Variants in L3MBTL4 observed in about 807,000 individuals in gnomAD.
L3MBTL4 encodes the protein L3MBTL histone methyl-lysine binding protein 4.
Under a neutral mutation model 84.5 loss-of-function variants are expected in L3MBTL4, and 70 were observed. The observed-to-expected ratio is 0.83, with a 90% CI of 0.68 to 1.01. The LOEUF is 1.01. Ranked by LOEUF, L3MBTL4 falls within the 50% of genes least tolerant of loss-of-function variation. The pLI is 0.00. For missense variants in L3MBTL4, 715 were observed against 754.8 expected, an observed-to-expected ratio of 0.95 and a Z score of 0.62; for synonymous variants, 274 against 259.8, an observed-to-expected ratio of 1.05 and a Z score of -0.52.
At chr18:6,037,863 G>A (rs749303268) in intron 16 of L3MBTL4, among the ~76,000 whole-genome samples, 11 of 152,178 alleles carry the variant, frequency 7.2e-5, no homozygotes, top group Non-Finnish European at 1.0e-4. Context: ...ATATTTAGAT[G>A]TTTGGCTAAT....
At chr18:6,132,610 C>T (rs2059907787) in intron 14 of L3MBTL4, among the ~76,000 whole-genome samples, 2 of 152,336 alleles carry the variant, frequency 1.3e-5, no homozygotes, top group South Asian at 4.1e-4. Context: ...TTAAACCTTT[C>T]TTTTTTATAT....
chr18:6,260,014 C>G (rs1302796046), intron 5 of L3MBTL4: 1 of 152,130 alleles, frequency 6.6e-6, no homozygotes, highest in Non-Finnish European at 1.5e-5. Context: ...TATGGCTAGC[C>G]AGCTATCCCA....
At chr18:6,298,271 T>C (rs929599035) in intron 4 of L3MBTL4, among the ~76,000 whole-genome samples, 16 of 152,222 alleles carry the variant, frequency 1.1e-4, no homozygotes, top group African/African-American at 3.6e-4. Context: ...TTATTTGCAT[T>C]TTAATGAGAC....
chr18:6,125,028 T>C (rs1452655855), intron 14 of L3MBTL4, among the ~76,000 whole-genome samples: 2 of 152,196 alleles, frequency 1.3e-5, no homozygotes, highest in Non-Finnish European at 2.9e-5. Context: ...TATTCTCTAA[T>C]GACTTTGATA....
intron 12 of L3MBTL4, among the ~76,000 whole-genome samples, chr18:6,190,376 T>C (rs777218270): frequency 3.3e-5 from 5 of 152,192 alleles, no homozygotes; most frequent in Non-Finnish European, 7.3e-5. Context: ...TAGATACATA[T>C]GTAAAAATTC....
At chr18:6,206,126 C>T (rs954168038) in intron 12 of L3MBTL4, among the ~76,000 whole-genome samples, 17 of 152,216 alleles carry the variant, frequency 1.1e-4, no homozygotes, top group African/African-American at 7.2e-5. Context: ...GTATGCAGAA[C>T]GAAGAATCTG....
At chr18:6,318,494 T>TAAAAAAAAAAAAAAATAA in intron 1 of L3MBTL4, among the ~76,000 whole-genome samples, 1 of 14,202 alleles carries the variant, frequency 7.0e-5, no homozygotes, top group Non-Finnish European at 1.3e-4. Context: ...ACAACAATAG[T>TAAAAAAAAAAAAAAATAA]AAAAAAAAAA....
At chr18:6,294,590 A>C (rs2050006800) in intron 4 of L3MBTL4, among the ~76,000 whole-genome samples, 1 of 152,196 alleles carries the variant, frequency 6.6e-6, no homozygotes, top group Non-Finnish European at 1.5e-5. Flanking sequence ...TCAGCAGGAG[A>C]CGGTGTCTGG....
chr18:6,293,691 C>T (rs559870183), intron 4 of L3MBTL4, among the ~76,000 whole-genome samples: 16 of 152,266 alleles, frequency 1.1e-4, no homozygotes, highest in African/African-American at 3.6e-4. Flanking sequence ...ATGGGACATC[C>T]CAAAATCATG....
At chr18:5,965,385 T>C (rs2052298384) in intron 17 of L3MBTL4, among the ~76,000 whole-genome samples, 1 of 152,190 alleles carries the variant, frequency 6.6e-6, no homozygotes, top group Admixed American at 6.5e-5. Context: ...CACTTAACCT[T>C]CTGCTGCAGA....
chr18:6,096,798 C>T (rs1010913077), intron 14 of L3MBTL4, among the ~76,000 whole-genome samples: 7 of 152,172 alleles, frequency 4.6e-5, no homozygotes, highest in Non-Finnish European at 2.9e-5. Flanking sequence ...GCTGAAGTTT[C>T]TATGACTTAA....
intron 17 of L3MBTL4, among the ~76,000 whole-genome samples, chr18:5,967,871 G>A (rs971553089): frequency 6.6e-6 from 1 of 152,260 alleles, no homozygotes; most frequent in Non-Finnish European, 1.5e-5. Context: ...GTGGAAAAGG[G>A]GACTTGTGAA....
intron 15 of L3MBTL4, 126 bp downstream of exon 15, chr18:6,093,229 A>G (rs956207291): frequency 2.6e-6 from 2 of 765,754 alleles, no homozygotes; most frequent in African/African-American, 3.6e-5. Flanking sequence ...AGCGAACCTA[A>G]TAATATCCAG....
chr18:6,020,453 A>AGAGGCT (rs2055196969), intron 16 of L3MBTL4, among the ~76,000 whole-genome samples: 3 of 152,020 alleles, frequency 2.0e-5, no homozygotes, highest in Non-Finnish European at 2.9e-5. Flanking sequence ...ATTCTGAGGC[A>AGAGGCT]GCTGGAGAGG....
At chr18:6,360,708 G>A (rs2053650521) in intron 1 of L3MBTL4, among the ~76,000 whole-genome samples, 1 of 152,098 alleles carries the variant, frequency 6.6e-6, no homozygotes, top group Non-Finnish European at 1.5e-5. Context: ...GGGGCAGAGT[G>A]CAGTGCAGTG....
intron 16 of L3MBTL4, among the ~76,000 whole-genome samples, chr18:6,026,932 C>A (rs548802374): frequency 1.1e-4 from 17 of 151,994 alleles, no homozygotes; most frequent in African/African-American, 3.4e-4. Flanking sequence ...AATTTAACAA[C>A]AATAAAACCT....
chr18:6,071,761 A>AAAG (rs1555645499), intron 16 of L3MBTL4, among the ~76,000 whole-genome samples: 17 of 92,156 alleles, frequency 1.8e-4, no homozygotes, highest in Non-Finnish European at 2.8e-4. Flanking sequence ...AAGAAAGAAA[A>AAAG]AAAGAAAGAA....
intron 16 of L3MBTL4, among the ~76,000 whole-genome samples, chr18:6,014,781 C>T (rs556700158): frequency 4.6e-5 from 7 of 152,120 alleles, no homozygotes; most frequent in Admixed American, 2.0e-4. Flanking sequence ...GAAACTTTGG[C>T]GAGCTTCAAG....
intron 4 of L3MBTL4, among the ~76,000 whole-genome samples, chr18:6,295,346 C>CTCTCTCTATATATATATATATATA (rs1261475809): frequency 1.2e-5 from 1 of 81,384 alleles, no homozygotes; most frequent in African/African-American, 6.6e-5. Context: ...CTCTCTCTCT[C>CTCTCTCTATATATATATATATATA]TATATATATA....
Sources: allele counts gnomAD v4.1 joint callset (sites outside exome capture counted in the v4.1 genomes callset), GRCh38; gene constraint gnomAD v4.1.1; transcripts MANE v1.5; gene names NCBI Gene and HGNC (gene_info 2026-07-23, HGNC 2026-07-21).